GABBR2: variants seen among roughly 807,000 people sequenced by gnomAD.
The protein encoded by GABBR2 is gamma-aminobutyric acid type B receptor subunit 2.
A neutral mutation model predicts 105.6 loss-of-function variants in GABBR2; 23 were observed. The observed-to-expected ratio is 0.22, with a 90% CI of 0.16 to 0.31. The LOEUF (loss-of-function observed/expected upper bound fraction) is 0.31. Among genes scored for constraint, GABBR2 ranks in the 10% least tolerant of loss-of-function variants. The pLI is 1.00. For synonymous variants in GABBR2, 478 were observed against 499.7 expected, an observed-to-expected ratio of 0.96 and a Z score of 0.58; for missense variants, 734 against 1,245.5, an observed-to-expected ratio of 0.59 and a Z score of 6.18.
intron 7 of GABBR2, among the ~76,000 whole-genome samples, chr9:98,436,407 AGT>A (rs1184582667): frequency 3.3e-5 from 2 of 60,016 alleles, no homozygotes; most frequent in African/African-American, 6.5e-5. Context: ...ATATATATAT[AGT>A]ATGGCGTTCT....
intron 1 of GABBR2, among the ~76,000 whole-genome samples, chr9:98,658,616 T>C (rs1830214986): frequency 6.6e-6 from 1 of 152,202 alleles, no homozygotes; most frequent in Non-Finnish European, 1.5e-5. Context: ...ATGTGGCATC[T>C]TAAAAGCGGG....
chr9:98,342,818 G>A (rs1831236378), intron 13 of GABBR2, among the ~76,000 whole-genome samples: 1 of 152,222 alleles, frequency 6.6e-6, no homozygotes, highest in Non-Finnish European at 1.5e-5. Context: ...CTGGTCTCCA[G>A]CACTTCCCCC....
At chr9:98,703,782 CCA>C (rs1830861544) in intron 1 of GABBR2, among the ~76,000 whole-genome samples, 1 of 150,652 alleles carries the variant, frequency 6.6e-6, no homozygotes, top group Non-Finnish European at 1.5e-5. Flanking sequence ...GCATGAGCCA[CCA>C]CACTCAGTCT....
intron 2 of GABBR2, among the ~76,000 whole-genome samples, chr9:98,561,797 T>A (rs1828676924): frequency 6.6e-6 from 1 of 152,080 alleles, no homozygotes; most frequent in Non-Finnish European, 1.5e-5. Context: ...GGCAGGAGGA[T>A]CCCTTGAGCG....
chr9:98,323,061 T>TAAACGAGGCTCC (rs1279820229), intron 13 of GABBR2, among the ~76,000 whole-genome samples: 1 of 152,018 alleles, frequency 6.6e-6, no homozygotes, highest in East Asian at 1.9e-4. Context: ...TAGGGGACAT[T>TAAACGAGGCTCC]AAACGAGGCT....
intron 15 of GABBR2, 64 bp from the exon 16 acceptor site, chr9:98,303,487 A>G (rs1382150551): frequency 7.2e-6 from 10 of 1,394,134 alleles, no homozygotes; most frequent in Non-Finnish European, 1.0e-5. Flanking sequence ...CCCATCCCAC[A>G]TGGCAGACTC....
At chr9:98,667,022 G>C (rs1452297461) in intron 1 of GABBR2, among the ~76,000 whole-genome samples, 2 of 152,188 alleles carry the variant, frequency 1.3e-5, no homozygotes, top group African/African-American at 4.8e-5. Flanking sequence ...CAAGTAAATA[G>C]ACAGTGCAGC....
intron 7 of GABBR2, among the ~76,000 whole-genome samples, chr9:98,440,082 C>T (rs1260318936): frequency 1.3e-5 from 2 of 152,186 alleles, no homozygotes; most frequent in African/African-American, 4.8e-5. Flanking sequence ...TAAGGATACA[C>T]CTGCTCCTAG....
intron 1 of GABBR2, among the ~76,000 whole-genome samples, chr9:98,634,574 G>A (rs905882789): frequency 6.6e-6 from 1 of 152,166 alleles, no homozygotes; most frequent in Non-Finnish European, 1.5e-5. Flanking sequence ...CACCAGAGCT[G>A]GAAGAGGCAA....
chr9:98,678,437 G>GCCTCT (rs1830501616), intron 1 of GABBR2, among the ~76,000 whole-genome samples: 1 of 152,192 alleles, frequency 6.6e-6, no homozygotes, highest in Admixed American at 6.5e-5. Flanking sequence ...GTGCTTCGCT[G>GCCTCT]GAAAGCCTGC....
chr9:98,653,395 A>G (rs1830136159), intron 1 of GABBR2, among the ~76,000 whole-genome samples: 1 of 152,256 alleles, frequency 6.6e-6, no homozygotes, highest in South Asian at 2.1e-4. Flanking sequence ...ACCCATAAAA[A>G]GAAACTTTTA....
At chr9:98,434,576 G>A (rs1825868674) in intron 7 of GABBR2, among the ~76,000 whole-genome samples, 1 of 152,222 alleles carries the variant, frequency 6.6e-6, no homozygotes, top group Non-Finnish European at 1.5e-5. Flanking sequence ...AAGTTGGGAA[G>A]AGATGTGCAC....
chr9:98,290,284 T>TTTTTTTTTTTTTTA lies in GABBR2; in HGVS notation c.*299_*300insTAAAAAAAAAAAAA, dbSNP rs1830280429. The TTTTTTTTTTTTTTA allele has an allele frequency of 5.5e-6, 1 of 181,064 alleles. No homozygotes were observed. The highest frequency in any genetic ancestry group is 6.3e-5 in the Admixed American group (1 of 15,820). 11.2% of individuals were successfully genotyped at this position (181,064 alleles called of 1,614,324 possible). On this transcript the variant is annotated 3_prime_UTR_variant, in exon 19 of 19. Coordinates refer to ENST00000259455, the MANE Select transcript of GABBR2 (RefSeq NM_005458.8). Reference sequence around the variant, plus strand: ...TAGTTTTTTTGTTTTTTTTTTTTTTTTTTTTTTTTTGCAAGTTTGATATCC... The same window carrying TTTTTTTTTTTTTTA: ...TAGTTTTTTTGTTTTTTTTTTTTTTTTTTTTTTTTTTTTATTTTTTTTTTGCAAGTTTGATATCC...
At chr9:98,474,073 C>T (rs1341925094) in intron 5 of GABBR2, among the ~76,000 whole-genome samples, 1 of 152,164 alleles carries the variant, frequency 6.6e-6, no homozygotes, top group East Asian at 1.9e-4. Flanking sequence ...AATTCCCTTA[C>T]ATTTTTATAT....
intron 7 of GABBR2, among the ~76,000 whole-genome samples, chr9:98,430,990 TA>T (rs1274634156): frequency 3.3e-5 from 5 of 151,904 alleles, no homozygotes; most frequent in Non-Finnish European, 7.4e-5. Flanking sequence ...TGGTCCCTAT[TA>T]CTCCTCCATC....
chr9:98,687,678 G>A lies in GABBR2; in HGVS notation c.321+20739C>T, dbSNP rs568137783. Among the ~76,000 whole-genome samples, 162 of 152,166 alleles carry A rather than the reference G, an allele frequency of 1.1e-3. 1 individual carries two copies. The highest frequency in any genetic ancestry group is 3.7e-3 in the African/African-American group (154 of 41,510). ...TCCTGACTCTGAGGCTGCCCACCTT[G>A]CAATGACTGGATTTCCTACAACCCG... On this transcript the variant is annotated intron_variant, in intron 1 of 18. Transcript: ENST00000259455.
chr9:98,644,884 T>C (rs528806522), intron 1 of GABBR2, among the ~76,000 whole-genome samples: 2 of 152,260 alleles, frequency 1.3e-5, no homozygotes, highest in South Asian at 2.1e-4. Flanking sequence ...AACATTCTGA[T>C]ATAAGGTTGG....
chr9:98,637,998 C>A (rs1394740028), intron 1 of GABBR2, among the ~76,000 whole-genome samples: 3 of 152,082 alleles, frequency 2.0e-5, no homozygotes, highest in African/African-American at 7.2e-5. Context: ...TGTTTTTATT[C>A]CCCTTTGACA....
chr9:98,465,701 T>A (rs1317542582), intron 6 of GABBR2, among the ~76,000 whole-genome samples: 1 of 152,188 alleles, frequency 6.6e-6, no homozygotes, highest in Non-Finnish European at 1.5e-5. Context: ...AAGAGAAAAA[T>A]TAACACATTT....
Sources: allele counts gnomAD v4.1 joint callset (sites outside exome capture counted in the v4.1 genomes callset), GRCh38; gene constraint gnomAD v4.1.1; transcripts MANE v1.5; gene names NCBI Gene and HGNC (gene_info 2026-07-23, HGNC 2026-07-21).